Variants in MSH6 observed in about 807,000 individuals in gnomAD.
MSH6 encodes DNA mismatch repair protein Msh6.
MSH6 carries 85 observed loss-of-function variants against 119.1 expected under a neutral mutation model. The observed-to-expected ratio is 0.71, with a 90% CI of 0.60 to 0.85. MSH6 has a LOEUF of 0.85. MSH6 is among the 40% of genes least tolerant of loss of function. MSH6 has a pLI of 0.00. For synonymous variants in MSH6, 830 were observed against 586.9 expected (o/e 1.41, Z -5.99); for missense variants, 2,163 against 1,655.3 (o/e 1.31, Z -5.32).
intron 4 of MSH6, among the ~76,000 whole-genome samples, chr2:47,802,577 C>G (rs1669663943): frequency 6.6e-6 from 1 of 151,256 alleles, no homozygotes; most frequent in Non-Finnish European, 1.5e-5. Context: ...AAGCGATCTG[C>G]CCGCCTTGAT....
Position 47,800,164 on chromosome 2 carries a change from C to G in MSH6, c.2181C>G (p.Thr727=), listed in dbSNP as rs876659171. ...VSTTRSGAIF[T]KAYQRMVLDA... is the part of the protein sequence containing the mutation. Reference sequence around the variant, plus strand: ...CTACAAGATCTGGTGCTATCTTCACCAAAGCCTATCAACGAATGGTGCTAG... The same window carrying G: ...CTACAAGATCTGGTGCTATCTTCACGAAAGCCTATCAACGAATGGTGCTAG... Residue 727 remains threonine, a synonymous_variant, in exon 4 of 10, where the codon ACC becomes ACG. Transcript: ENST00000234420. 6.2e-7 allele frequency: 1 copy of G among 1,614,150 alleles called. No individual in the cohort carries two copies. Among genetic ancestry groups the G allele is most frequent in the Non-Finnish European group, 8.5e-7 (1 of 1,180,030 alleles).
chr2:47,809,605 A>C, downstream of MSH6: 1 of 1,609,704 alleles, frequency 6.2e-7, no homozygotes, highest in Non-Finnish European at 8.5e-7. Context: ...CATACCTTTC[A>C]TTGTCACATT....
At chr2:47,791,526 C>T (rs769409440) in intron 2 of MSH6, among the ~76,000 whole-genome samples, 1 of 152,164 alleles carries the variant, frequency 6.6e-6, no homozygotes, top group Admixed American at 6.6e-5. Flanking sequence ...ATGAACACAT[C>T]TGAGTTGAGT....
At chr2:47,786,320 T>G (rs1208054045) in intron 1 of MSH6, among the ~76,000 whole-genome samples, 1 of 152,010 alleles carries the variant, frequency 6.6e-6, no homozygotes, top group East Asian at 1.9e-4. Context: ...ATTTAAGCCT[T>G]AAAACATGTT....
Position 47,800,503 on chromosome 2 carries a change from C to T in MSH6, c.2520C>T (p.Ser840=), listed in dbSNP as rs781241667. ...SPLKSQNHPD[S]RAIMYEETTY... is the part of the protein sequence containing the mutation. ...TGAAGAGTCAGAACCACCCAGACAG[C>T]AGGGCTATAATGTATGAAGAAACTA... Residue 840 remains serine, a synonymous_variant, in exon 4 of 10, where the codon AGC becomes AGT. Coordinates refer to ENST00000234420, the MANE Select transcript of MSH6 (RefSeq NM_000179.3). The T allele has an allele frequency of 6.2e-6, 10 of 1,612,672 alleles. No homozygotes were observed. Among genetic ancestry groups the T allele is most frequent in the East Asian group, 2.2e-5 (1 of 44,888 alleles).
At chr2:47,795,773 T>C (rs1669042258) in intron 2 of MSH6, 121 bp from the exon 3 acceptor site, 2 of 843,916 alleles carry the variant, frequency 2.4e-6, no homozygotes, top group Admixed American at 2.1e-5. Flanking sequence ...ACCTGGCATA[T>C]ATATATTTTA....
chr2:47,797,383 A>T (rs778068690), intron 3 of MSH6, among the ~76,000 whole-genome samples: 1 of 152,204 alleles, frequency 6.6e-6, no homozygotes, highest in Non-Finnish European at 1.5e-5. Context: ...ACATTATCAG[A>T]GGTCTAGAAC....
In MSH6 at chr2:47,783,479, T is replaced by C. The variant is rs786201527; in HGVS notation, c.246T>C (p.Pro82=). 1.4e-6 allele frequency: 2 copies of C among 1,432,316 alleles called. No homozygotes were observed. The highest frequency in any genetic ancestry group is 6.0e-5 in the Admixed American group (2 of 33,242). 88.7% of individuals were successfully genotyped at this position (1,432,316 alleles called of 1,614,324 possible). ...LNGGLRRSVA[P]AAPTSCDFSP... ...GAGGGCTGCGGAGATCGGTAGCGCC[T>C]GCTGCCCCCACCAGGTAGCGGGGTG... Residue 82 remains proline (P), a synonymous_variant, in exon 1 of 10, where the codon CCT becomes CCC. Coordinates refer to ENST00000234420, the MANE Select transcript of MSH6 (RefSeq NM_000179.3).
At chr2:47,793,318 CAAAAAAAAAAAA>C (rs34250836) in intron 2 of MSH6, among the ~76,000 whole-genome samples, 39 of 48,812 alleles carry the variant, frequency 8.0e-4, no homozygotes, top group East Asian at 4.9e-3. Flanking sequence ...GAGACTGTCT[CAAAAAAAAAAAA>C]AAAAAAAAAA....
chr2:47,790,942 A>T lies in MSH6; in HGVS notation c.276A>T (p.Pro92=), dbSNP rs1800932. 6.2e-7 allele frequency: 1 copy of T among 1,614,112 alleles called. No individual in the cohort carries two copies. Among genetic ancestry groups the T allele is most frequent in the Admixed American group, 1.7e-5 (1 of 60,016 alleles). ...TTGGCAACAGTTGTGACTTCTCACCAGGAGATTTGGTTTGGGCCAAGATGG... is the reference window on the plus strand; with the variant it reads ...TTGGCAACAGTTGTGACTTCTCACCTGGAGATTTGGTTTGGGCCAAGATGG... ...PAAPTSCDFS[P]GDLVWAKMEG... Residue 92 remains proline (P), a synonymous_variant, in exon 2 of 10, where the codon CCA becomes CCT. Transcript: ENST00000234420.
At chr2:47,802,487 C>T (rs1669659373) in intron 4 of MSH6, among the ~76,000 whole-genome samples, 1 of 151,922 alleles carries the variant, frequency 6.6e-6, no homozygotes, top group South Asian at 2.1e-4. Context: ...GTCACCATCA[C>T]ACCTGGCTAA....
At position 47,800,141 on chromosome 2, in the gene MSH6, A is replaced by C. The variant is rs1258419289; in HGVS notation, c.2158A>C (p.Thr720Pro). 6.2e-7 allele frequency: 1 copy of C among 1,614,202 alleles called. No homozygotes were observed. ...IPLDSDTVST[T>P]RSGAIFTKAY... ...CTTGGATTCTGACACAGTCAGCACT[A>C]CAAGATCTGGTGCTATCTTCACCAA... Residue 720 changes from threonine to proline, a missense_variant, in exon 4 of 10, where the codon ACA becomes CCA. By Grantham distance (38) the Thr-to-Pro change is conservative. Transcript: ENST00000234420.
rs1064793189 is a variant in MSH6, at chr2:47,800,091, T to C, written c.2108T>C (p.Met703Thr). ...KCLIDQELLS[M>T]ANFEEYIPLD... is the part of the protein sequence containing the mutation. The stretch of plus-strand genomic sequence containing the variant: ...CTTATTGATCAGGAGCTTTTATCAA[T>C]GGCTAATTTTGAAGAATATATTCCC... The change falls in exon 4 of 10, where the codon ATG becomes ACG. Residue 703 changes from methionine (M) to threonine (T), a missense_variant. Met to Thr is a moderately conservative substitution (Grantham distance 81). Coordinates refer to ENST00000234420, the MANE Select transcript of MSH6 (RefSeq NM_000179.3). 3 of 1,614,206 alleles carry C rather than the reference T, an allele frequency of 1.9e-6. No individual in the cohort carries two copies. Among genetic ancestry groups the C allele is most frequent in the Non-Finnish European group, 2.5e-6 (3 of 1,180,038 alleles).
In MSH6 at chr2:47,783,168, C is replaced by G. The variant is rs1409463530; in HGVS notation, c.-66C>G. Reference sequence around the variant, plus strand: ...CCAGATTTCCCGCCAGCAGGAGCCGCGCGGTAGATGCGGTGCTTTTAGGAG... The same window carrying G: ...CCAGATTTCCCGCCAGCAGGAGCCGGGCGGTAGATGCGGTGCTTTTAGGAG... On this transcript the variant is annotated 5_prime_UTR_variant, in exon 1 of 10. Coordinates refer to ENST00000234420, the MANE Select transcript of MSH6 (RefSeq NM_000179.3). 51 of 1,594,170 alleles carry G rather than the reference C, an allele frequency of 3.2e-5. No individual in the cohort carries two copies. In the East Asian group the frequency reaches 1.2e-3, roughly 37 times the overall value.
intron 3 of MSH6, among the ~76,000 whole-genome samples, chr2:47,796,356 A>G (rs1260720987): frequency 6.6e-6 from 1 of 152,028 alleles, no homozygotes; most frequent in East Asian, 1.9e-4. Context: ...AGATGGAGTA[A>G]TATATATATG....
At position 47,799,113 on chromosome 2, in the gene MSH6, A is replaced by C. The variant is rs550221570; in HGVS notation, c.1130A>C (p.Lys377Thr). The C allele has an allele frequency of 1.2e-6, 2 of 1,614,132 alleles. No individual in the cohort carries two copies. Among genetic ancestry groups the C allele is most frequent in the East Asian group, 4.5e-5 (2 of 44,896 alleles). The change falls in exon 4 of 10, where the codon AAG becomes ACG. Residue 377 changes from lysine to threonine, a missense_variant. Lys to Thr is a moderately conservative substitution (Grantham distance 78, BLOSUM62 -1). Coordinates refer to ENST00000234420, the MANE Select transcript of MSH6 (RefSeq NM_000179.3). The part of the protein sequence containing the change: ...HETLEWLKEE[K>T]RRDEHRRRPD... ...ACTTTAGAATGGCTTAAGGAGGAAA[A>C]GAGAAGAGATGAGCACAGGAGGAGG...
intron 1 of MSH6, chr2:47,784,566 G>C (rs1047392910): frequency 1.3e-5 from 2 of 151,414 alleles, no homozygotes; most frequent in East Asian, 3.9e-4. Context: ...GGCTTCAAGC[G>C]ATTCCCCAGC....
intron 9 of MSH6, 56 bp downstream of exon 9, chr2:47,806,707 C>CAGTAAA: frequency 6.4e-7 from 1 of 1,557,492 alleles, no homozygotes; most frequent in Non-Finnish European, 8.8e-7. Flanking sequence ...TTCAAAGAAA[C>CAGTAAA]AGTAAAAGGG....
chr2:47,801,182 A>G (rs1277401392), intron 4 of MSH6, 27 bp downstream of exon 4: 2 of 1,604,632 alleles, frequency 1.2e-6, no homozygotes, highest in Admixed American at 1.7e-5. Flanking sequence ...GCTTGTTCTC[A>G]GGCTTTGATA....
Sources: gnomAD v4.1 joint callset for allele counts (sites outside exome capture counted in the v4.1 genomes callset) on GRCh38, gnomAD v4.1.1 for gene constraint, MANE v1.5 for transcripts, NCBI Gene and HGNC (gene_info 2026-07-23, HGNC 2026-07-21) for gene names.